Variants in SYNGR1 observed in about 807,000 individuals in gnomAD.
SYNGR1 encodes the protein synaptogyrin 1, also known as synaptogyrin-1.
Under a neutral mutation model 26.1 loss-of-function variants are expected in SYNGR1, and 14 were observed. The ratio of observed to expected loss-of-function variants is 0.54; its 90% confidence interval spans 0.35 to 0.84. The LOEUF (loss-of-function observed/expected upper bound fraction) is 0.84, where lower values mean the gene tolerates loss of function less well. Among genes scored for constraint, SYNGR1 ranks in the 40% least tolerant of loss-of-function variants. The pLI, the probability that SYNGR1 is intolerant of heterozygous loss-of-function variation, is 0.01. For synonymous variants in SYNGR1, 141 were observed against 150.1 expected, an observed-to-expected ratio of 0.94 and a Z score of 0.44; for missense variants, 319 against 332.9, an observed-to-expected ratio of 0.96 and a Z score of 0.33.
At chr22:39,379,822 G>A (rs1925440170) in intron 3 of SYNGR1, 1 of 152,154 alleles carries the variant, frequency 6.6e-6, no homozygotes, top group African/African-American at 2.4e-5. Flanking sequence ...CTGGGAAGGG[G>A]TAGGACCCCA....
intron 3 of SYNGR1, among the ~76,000 whole-genome samples, chr22:39,379,198 A>G (rs746204994): frequency 1.2e-4 from 19 of 152,122 alleles, no homozygotes; most frequent in Non-Finnish European, 2.1e-4. Flanking sequence ...ATAGTGGGAA[A>G]CCCCAGAGGG....
At chr22:39,363,042 G>T (rs750260701) in intron 1 of SYNGR1, among the ~76,000 whole-genome samples, 14 of 152,172 alleles carry the variant, frequency 9.2e-5, no homozygotes, top group Admixed American at 6.5e-5. Flanking sequence ...CTCTGGGGAG[G>T]TGTCTTTTGT....
At chr22:39,375,258 GA>G in intron 2 of SYNGR1, 1 of 156,952 alleles carries the variant, frequency 6.4e-6, no homozygotes, top group East Asian at 1.9e-4. Flanking sequence ...GTTTTAGAAG[GA>G]ACTAGAACTA....
At chr22:39,374,619 C>T (rs754188710) in intron 2 of SYNGR1, 66 bp downstream of exon 2, 26 of 1,520,636 alleles carry the variant, frequency 1.7e-5, no homozygotes, top group African/African-American at 2.7e-5. Flanking sequence ...CCATAGGAGG[C>T]GGCTGCCACC....
rs561373808 is a variant in SYNGR1, at chr22:39,365,010, G to A, written c.100-9306G>A. 6.6e-5 allele frequency among the ~76,000 whole-genome samples: 10 copies of A among 152,212 alleles called. No individual in the cohort carries two copies. In the South Asian group the frequency reaches 1.0e-3, roughly 16 times the overall value. ...GTTTACCTTGATGCCTTTTTTTAGCGTTTGCTTTAGCTCGAGGGAAGCTTG... is the reference window on the plus strand; with the variant it reads ...GTTTACCTTGATGCCTTTTTTTAGCATTTGCTTTAGCTCGAGGGAAGCTTG... On this transcript the variant is annotated intron_variant, in intron 1 of 3. Transcript: ENST00000328933.
At chr22:39,376,346 C>T in intron 3 of SYNGR1, 149 bp downstream of exon 3, 1 of 1,363,662 alleles carries the variant, frequency 7.3e-7, no homozygotes, top group Non-Finnish European at 1.0e-6. Flanking sequence ...GTCTGCGGCG[C>T]TCACAGTGGT....
At chr22:39,354,045 G>A (rs939998311) in intron 1 of SYNGR1, among the ~76,000 whole-genome samples, 3 of 151,906 alleles carry the variant, frequency 2.0e-5, no homozygotes, top group African/African-American at 7.3e-5. Context: ...TAAATTTTTA[G>A]TAGAGACGGG....
chr22:39,363,720 C>G (rs1403142958), intron 1 of SYNGR1, among the ~76,000 whole-genome samples: 1 of 152,030 alleles, frequency 6.6e-6, no homozygotes, highest in Admixed American at 6.6e-5. Flanking sequence ...CTGGAGGAGG[C>G]TGGAGAGGAG....
intron 1 of SYNGR1, among the ~76,000 whole-genome samples, chr22:39,359,040 G>A (rs1038695839): frequency 7.9e-5 from 12 of 152,198 alleles, no homozygotes; most frequent in Admixed American, 6.5e-4. Flanking sequence ...CAGTGCAGGG[G>A]GCAAGAGTCC....
intron 1 of SYNGR1, among the ~76,000 whole-genome samples, chr22:39,365,228 G>A (rs11913073): frequency 0.044 from 6,725 of 152,192 alleles, 506 homozygotes; most frequent in African/African-American, 0.15. Flanking sequence ...TTTCATTTCC[G>A]GTTCTCCAGT....
intron 1 of SYNGR1, among the ~76,000 whole-genome samples, chr22:39,372,007 G>A (rs1925044058): frequency 6.6e-6 from 1 of 152,108 alleles, no homozygotes; most frequent in South Asian, 2.1e-4. Context: ...AGTTTCTGTG[G>A]GTGAGGAATC....
chr22:39,375,635 C>T, intron 2 of SYNGR1: 1 of 499,550 alleles, frequency 2.0e-6, no homozygotes. Flanking sequence ...GTCTTCCTGC[C>T]TGCAGAGTTG....
In SYNGR1 at chr22:39,371,403, G is replaced by A. The variant is rs149861947; in HGVS notation, c.100-2913G>A. Among the ~76,000 whole-genome samples, 1,093 of 151,442 alleles carry A rather than the reference G, an allele frequency of 7.2e-3. 9 individuals carry two copies. Among genetic ancestry groups the A allele is most frequent in the Non-Finnish European group, 0.012 (846 of 67,888 alleles). ...AGGCAGGAGAATCGCTTGAACCCAG[G>A]AGGCAGAGGTTGTGGTGGACTGAGA... is the stretch of plus-strand genomic sequence containing the variant. On this transcript the variant is annotated intron_variant, in intron 1 of 3. Transcript: ENST00000328933.
At position 39,350,058 on chromosome 22, in the gene SYNGR1, C is replaced by T. The variant is rs764026214; in HGVS notation, c.48C>T (p.Asp16=). 5 of 1,451,336 alleles carry T rather than the reference C, an allele frequency of 3.4e-6. No individual in the cohort carries two copies. In the Admixed American group the frequency reaches 6.1e-5, roughly 18 times the overall value. 89.9% of individuals were successfully genotyped at this position (1,451,336 alleles called of 1,614,324 possible). The change falls in exon 1 of 4, where the codon GAC becomes GAT. Residue 16 remains aspartate, a synonymous_variant. Transcript: ENST00000328933. The surrounding 1 kb of genome is among the most constrained non-coding windows in gnomAD (Gnocchi z 4.3). ...YGAGKAGGAF[D]PYTLVRQPHT... ...CGGGCAAAGCCGGGGGCGCCTTCGA[C>T]CCCTACACCCTGGTCCGGCAGCCGC...
intron 1 of SYNGR1, among the ~76,000 whole-genome samples, chr22:39,357,224 C>T (rs1924182979): frequency 6.6e-6 from 1 of 152,014 alleles, no homozygotes; most frequent in Non-Finnish European, 1.5e-5. Flanking sequence ...CAAGATCCCA[C>T]CACTGCATTC....
At position 39,374,300 on chromosome 22, in the gene SYNGR1, G is replaced by T. The variant is rs777542046; in HGVS notation, c.100-16G>T. 1 of 1,612,858 alleles carries T rather than the reference G, an allele frequency of 6.2e-7. No homozygotes were observed. The highest frequency in any genetic ancestry group is 1.1e-5 in the South Asian group (1 of 91,066). ...GGGGTCTGCCCAGGTCTAAGGTGTG[G>T]CCCCACCCCCGACAGCTGTTCTCCA... On this transcript the variant is annotated splice_polypyrimidine_tract_variant and intron_variant, in intron 1 of 3. Coordinates refer to ENST00000328933, the MANE Select transcript of SYNGR1 (RefSeq NM_004711.5).
At chr22:39,357,007 C>G (rs1299362867) in intron 1 of SYNGR1, among the ~76,000 whole-genome samples, 1 of 152,112 alleles carries the variant, frequency 6.6e-6, no homozygotes, top group Non-Finnish European at 1.5e-5. Context: ...CTTGTAATCC[C>G]AGCACTTTGG....
At chr22:39,380,616 CTTTTTT>C (rs58877789) in intron 3 of SYNGR1, among the ~76,000 whole-genome samples, 1 of 69,972 alleles carries the variant, frequency 1.4e-5, no homozygotes, top group African/African-American at 7.2e-5. Flanking sequence ...CCAAGCTGGC[CTTTTTT>C]TTTTTTTTTT....
chr22:39,376,787 C>G (rs5995721), intron 3 of SYNGR1, among the ~76,000 whole-genome samples: 2 of 152,196 alleles, frequency 1.3e-5, no homozygotes, highest in African/African-American at 2.4e-5. Context: ...TACCTCTGCT[C>G]GGCTGCCAAG....
Sources: gnomAD v4.1 joint callset for allele counts (sites outside exome capture counted in the v4.1 genomes callset) on GRCh38, gnomAD v4.1.1 for gene constraint, Gnocchi (gnomAD v3.1) non-coding constraint, MANE v1.5 for transcripts, NCBI Gene and HGNC (gene_info 2026-07-23, HGNC 2026-07-21) for gene names.